Variants in SV2C observed in about 807,000 individuals in gnomAD.
SV2C encodes synaptic vesicle glycoprotein 2C, also known as solute carrier family 22 member B3.
In SV2C, 49 loss-of-function variants were observed where a neutral mutation model predicts 79.7. That is an observed-to-expected ratio of 0.61 (90% CI 0.49 to 0.78). The LOEUF (loss-of-function observed/expected upper bound fraction) is 0.78, where lower values mean the gene tolerates loss of function less well. Among genes scored for constraint, SV2C ranks in the 30% least tolerant of loss-of-function variants. SV2C has a pLI of 0.00. For synonymous variants in SV2C, 334 were observed against 333.2 expected (o/e 1.00, Z -0.03); for missense variants, 833 against 912.9 (o/e 0.91, Z 1.13).
the SV2C span, among the ~76,000 whole-genome samples, chr5:75,970,976 A>T: frequency 1.3e-5 from 2 of 152,124 alleles, no homozygotes; most frequent in South Asian, 4.1e-4. Flanking sequence ...CTTATCCACC[A>T]TAATCAAGTG....
At chr5:75,971,569 T>C in the SV2C span, among the ~76,000 whole-genome samples, 2 of 152,184 alleles carry the variant, frequency 1.3e-5, no homozygotes, top group African/African-American at 2.4e-5. Context: ...TGAGCTCCCA[T>C]TCACAATTGC....
intron 4 of SV2C, among the ~76,000 whole-genome samples, chr5:76,226,448 C>T (rs932526396): frequency 7.3e-5 from 11 of 151,432 alleles, no homozygotes; most frequent in African/African-American, 2.7e-4. Flanking sequence ...ATCTGATTTC[C>T]AAAAAAAAGG....
chr5:76,121,821 C>T (rs1251120368), intron 1 of SV2C, among the ~76,000 whole-genome samples: 1 of 151,626 alleles, frequency 6.6e-6, no homozygotes, highest in Non-Finnish European at 1.5e-5. Flanking sequence ...CAGCTTTGTT[C>T]TTTTGGCTTA....
chr5:76,142,863 A>C (rs530347042), intron 2 of SV2C, among the ~76,000 whole-genome samples: 11 of 151,144 alleles, frequency 7.3e-5, no homozygotes, highest in Non-Finnish European at 1.2e-4. Context: ...AGTCCTTTGC[A>C]TATTCTCCAA....
At chr5:76,324,555 C>T (rs1748926681) in intron 12 of SV2C, among the ~76,000 whole-genome samples, 1 of 152,108 alleles carries the variant, frequency 6.6e-6, no homozygotes, top group South Asian at 2.1e-4. Context: ...TTTTAAGAGA[C>T]CCTTCCTGCA....
Position 76,294,102 on chromosome 5 carries a change from G to A in SV2C, c.1338-1676G>A, listed in dbSNP as rs888766353. Among the ~76,000 whole-genome samples, 7 of 152,258 alleles carry A rather than the reference G, an allele frequency of 4.6e-5. No individual in the cohort carries two copies. In the South Asian group the frequency reaches 8.3e-4, roughly 18 times the overall value. On this transcript the variant is annotated intron_variant, in intron 8 of 12. Coordinates refer to ENST00000502798, the MANE Select transcript of SV2C (RefSeq NM_014979.4). ...AGGTCTCACTGGAACCTGGGTTTGT[G>A]GGGGATGATGATCCTGCTGGTCCGG...
chr5:76,301,047 T>G (rs1328862341), intron 11 of SV2C, 115 bp downstream of exon 11: 2 of 1,179,604 alleles, frequency 1.7e-6, no homozygotes, highest in Non-Finnish European at 2.4e-6. Context: ...AGAAATCCTT[T>G]AGACCTTACG....
intron 4 of SV2C, among the ~76,000 whole-genome samples, chr5:76,240,980 G>A (rs1745766877): frequency 6.6e-6 from 1 of 151,852 alleles, no homozygotes; most frequent in South Asian, 2.1e-4. Context: ...TTTTGAGATG[G>A]AGTCTCACTC....
chr5:75,991,646 A>G, the SV2C span, among the ~76,000 whole-genome samples: 1 of 149,478 alleles, frequency 6.7e-6, no homozygotes, highest in Non-Finnish European at 1.5e-5. Context: ...ATATAGATAT[A>G]TATTTGCAAA....
the SV2C span, among the ~76,000 whole-genome samples, chr5:76,053,092 C>G: frequency 1.4e-5 from 2 of 139,928 alleles, no homozygotes; most frequent in Non-Finnish European, 3.0e-5. Flanking sequence ...CATCTTAATT[C>G]CTAATTTTTC....
chr5:76,057,630 A>C, the SV2C span, among the ~76,000 whole-genome samples: 142 of 152,226 alleles, frequency 9.3e-4, 1 homozygote, highest in Non-Finnish European at 1.7e-3. Context: ...TAGACATGTG[A>C]CCTTAAACAA....
intron 12 of SV2C, among the ~76,000 whole-genome samples, chr5:76,309,876 G>A (rs1748362869): frequency 6.6e-6 from 1 of 152,110 alleles, no homozygotes; most frequent in South Asian, 2.1e-4. Context: ...TTGAGGCTGG[G>A]ACACAGGAGG....
At chr5:75,860,526 T>C in the SV2C span, among the ~76,000 whole-genome samples, 4 of 152,292 alleles carry the variant, frequency 2.6e-5, no homozygotes, top group Admixed American at 6.5e-5. Flanking sequence ...AAGCTATCTA[T>C]AGATTCAATG....
chr5:76,304,840 A>G (rs1387419151), intron 12 of SV2C, among the ~76,000 whole-genome samples: 1 of 152,168 alleles, frequency 6.6e-6, no homozygotes, highest in Non-Finnish European at 1.5e-5. Flanking sequence ...CCCTCTCTTA[A>G]TACTGGGATT....
rs1303583775 is a variant in SV2C at position 76,092,917 on chromosome 5, A to C, written c.-102+9405A>C. ...CAGCTCCAGCTGTGGAGTGCGTCTC[A>C]TATTATGTCATGGTGGCTGCTCTAT... On this transcript the variant is annotated intron_variant, in intron 1 of 12. Coordinates refer to ENST00000502798, the MANE Select transcript of SV2C (RefSeq NM_014979.4). Among the ~76,000 whole-genome samples the C allele has an allele frequency of 2.0e-5, 3 of 151,918 alleles. No individual in the cohort carries two copies. In the East Asian group the frequency reaches 5.8e-4, roughly 29 times the overall value.
At chr5:76,299,843 C>T (rs1410117315) in intron 10 of SV2C, among the ~76,000 whole-genome samples, 1 of 152,168 alleles carries the variant, frequency 6.6e-6, no homozygotes. Flanking sequence ...ATTCTCACAG[C>T]CTTTTAGCAG....
the SV2C span, chr5:75,911,076 C>T: frequency 7.5e-7 from 1 of 1,339,276 alleles, no homozygotes; most frequent in African/African-American, 1.4e-5. Context: ...GATCTGGAAC[C>T]TGATGCAGCC....
At chr5:76,166,302 A>G (rs922657412) in intron 2 of SV2C, among the ~76,000 whole-genome samples, 2 of 152,170 alleles carry the variant, frequency 1.3e-5, no homozygotes, top group South Asian at 2.1e-4. Flanking sequence ...AAGCTTTTTC[A>G]TGGTGGGGAA....
the SV2C span, among the ~76,000 whole-genome samples, chr5:76,040,458 A>G: frequency 2.0e-5 from 3 of 152,254 alleles, no homozygotes; most frequent in East Asian, 5.8e-4. Context: ...TGATACCATC[A>G]TATAGAAGAT....
Sources: gnomAD v4.1 joint callset for allele counts (sites outside exome capture counted in the v4.1 genomes callset) on GRCh38, gnomAD v4.1.1 for gene constraint, MANE v1.5 for transcripts, NCBI Gene and HGNC (gene_info 2026-07-23, HGNC 2026-07-21) for gene names.